PSMA8: variants seen among roughly 807,000 people sequenced by gnomAD.
The protein encoded by PSMA8 is proteasome subunit alpha-type 8.
Under a neutral mutation model 32.4 loss-of-function variants are expected in PSMA8, and 18 were observed. The ratio of observed to expected loss-of-function variants is 0.56; its 90% CI spans 0.38 to 0.82. The LOEUF is 0.82. PSMA8 is among the 40% of genes least tolerant of loss of function. PSMA8 has a pLI of 0.00. For missense variants in PSMA8, 298 were observed against 300.7 expected (o/e 0.99, Z 0.07); for synonymous variants, 104 against 98.1 (o/e 1.06, Z -0.36).
At chr18:26,172,004 G>T (rs2055225938) in intron 4 of PSMA8, among the ~76,000 whole-genome samples, 1 of 152,144 alleles carries the variant, frequency 6.6e-6, no homozygotes, top group South Asian at 2.1e-4. Context: ...AAGTTGGTTT[G>T]CTTCACAGCT....
chr18:26,179,400 G>A (rs2055291703), intron 6 of PSMA8, among the ~76,000 whole-genome samples: 1 of 151,654 alleles, frequency 6.6e-6, no homozygotes, highest in Non-Finnish European at 1.5e-5. Flanking sequence ...TCCAGTGCTG[G>A]GATTACAACT....
At chr18:26,165,227 A>G (rs369495385) in intron 4 of PSMA8, among the ~76,000 whole-genome samples, 53 of 152,334 alleles carry the variant, frequency 3.5e-4, no homozygotes, top group African/African-American at 1.3e-3. Flanking sequence ...CTTTGTTTTA[A>G]AGAGGTAGAT....
In PSMA8 at chr18:26,137,827, G is replaced by A. The variant is rs145018502; in HGVS notation, c.102+3760G>A. 1.4e-3 allele frequency among the ~76,000 whole-genome samples: 207 copies of A among 152,302 alleles called. 1 individual carries two copies. The highest frequency in any genetic ancestry group is 4.9e-3 in the African/African-American group (202 of 41,568). On this transcript the variant is annotated intron_variant, in intron 1 of 6. Transcript: ENST00000415576. ...AAAACCCGAATGAGTATTAGAGTATGAGGCACTATAGGAACCCCAGGTGTT... is the reference window on the plus strand; with the variant it reads ...AAAACCCGAATGAGTATTAGAGTATAAGGCACTATAGGAACCCCAGGTGTT...
intron 1 of PSMA8, among the ~76,000 whole-genome samples, chr18:26,134,343 G>GTGTGTGTGTGTGTGTGTGTCTC (rs2054892294): frequency 7.1e-6 from 1 of 141,676 alleles, no homozygotes; most frequent in Admixed American, 6.9e-5. Context: ...GTGTGTGGGT[G>GTGTGTGTGTGTGTGTGTGTCTC]TGTGTGTGTG....
intron 3 of PSMA8, among the ~76,000 whole-genome samples, chr18:26,155,142 G>A (rs1375457959): frequency 2.0e-5 from 3 of 150,602 alleles, no homozygotes; most frequent in Admixed American, 1.3e-4. Flanking sequence ...GGCTGAGGCA[G>A]GAGAATTGCT....
chr18:26,189,019 A>G (rs1167420220), intron 6 of PSMA8, among the ~76,000 whole-genome samples: 1 of 152,244 alleles, frequency 6.6e-6, no homozygotes, highest in African/African-American at 2.4e-5. Flanking sequence ...ACTTCTGCAC[A>G]GCAAAGGAAA....
intron 3 of PSMA8, among the ~76,000 whole-genome samples, chr18:26,152,602 G>A (rs1409699773): frequency 6.6e-6 from 1 of 152,054 alleles, no homozygotes; most frequent in Non-Finnish European, 1.5e-5. Context: ...TGGGATTATA[G>A]GCATGAGCCA....
At chr18:26,134,174 T>A in intron 1 of PSMA8, 107 bp downstream of exon 1, 1 of 648,438 alleles carries the variant, frequency 1.5e-6, no homozygotes, top group Non-Finnish European at 2.7e-6. Context: ...AGAGAGGAGA[T>A]TCCCACACTT....
intron 1 of PSMA8, among the ~76,000 whole-genome samples, chr18:26,135,850 A>C (rs1226054964): frequency 6.6e-6 from 1 of 152,228 alleles, no homozygotes; most frequent in Non-Finnish European, 1.5e-5. Context: ...TTAAAGATAC[A>C]TTGGAAGAAT....
chr18:26,156,308 G>A (rs991897305), intron 3 of PSMA8, among the ~76,000 whole-genome samples: 1 of 152,138 alleles, frequency 6.6e-6, no homozygotes, highest in African/African-American at 2.4e-5. Context: ...TACTGGTTAT[G>A]CATCATCCAA....
intron 6 of PSMA8, among the ~76,000 whole-genome samples, chr18:26,185,087 CAAAAAAAA>C (rs772421124): frequency 3.6e-5 from 2 of 55,468 alleles, no homozygotes; most frequent in Admixed American, 1.7e-4. Flanking sequence ...AACTCCATCT[CAAAAAAAA>C]AAAAAAAAAA....
chr18:26,177,266 G>A (rs2039212558), intron 4 of PSMA8, among the ~76,000 whole-genome samples: 2 of 152,180 alleles, frequency 1.3e-5, no homozygotes, highest in African/African-American at 4.8e-5. Context: ...ACTGGGGTGG[G>A]AGTTGCTGCT....
At chr18:26,149,214 C>A (rs1378933300) in intron 2 of PSMA8, among the ~76,000 whole-genome samples, 1 of 152,044 alleles carries the variant, frequency 6.6e-6, no homozygotes, top group Admixed American at 6.5e-5. Context: ...ATGTCAATAG[C>A]ATCAAAAAGA....
chr18:26,177,041 T>A (rs576461184), intron 4 of PSMA8, among the ~76,000 whole-genome samples: 22 of 152,312 alleles, frequency 1.4e-4, no homozygotes, highest in South Asian at 1.2e-3. Context: ...TACTCTGTAA[T>A]CATCCTAGGA....
chr18:26,165,734 T>C (rs142089793), intron 4 of PSMA8, among the ~76,000 whole-genome samples: 124 of 152,266 alleles, frequency 8.1e-4, no homozygotes, highest in African/African-American at 2.8e-3. Flanking sequence ...CATATGGTCT[T>C]TAGATGGAAT....
intron 6 of PSMA8, among the ~76,000 whole-genome samples, chr18:26,181,080 A>G (rs2055307279): frequency 6.6e-6 from 1 of 152,134 alleles, no homozygotes; most frequent in African/African-American, 2.4e-5. Context: ...GTTTGTGGCA[A>G]CCCTGTGTTG....
intron 4 of PSMA8, among the ~76,000 whole-genome samples, chr18:26,178,088 C>A (rs891783787): frequency 5.3e-5 from 8 of 151,872 alleles, no homozygotes; most frequent in Non-Finnish European, 8.8e-5. Context: ...TGTGGTGCCA[C>A]GTACCAATAG....
chr18:26,156,667 A>C lies in PSMA8; in HGVS notation c.355-1455A>C, dbSNP rs9950514. Among the ~76,000 whole-genome samples, 801 of 147,992 alleles carry C rather than the reference A, an allele frequency of 5.4e-3. 2 individuals are homozygous for C. Among genetic ancestry groups the C allele is most frequent in the African/African-American group, 0.011 (460 of 40,824 alleles). On this transcript the variant is annotated intron_variant, in intron 3 of 6. Transcript: ENST00000415576. ...TGTGTATATATATTTTATATATATA[A>C]TAATGTGTGTGTATATTTTATATAT...
chr18:26,184,827 A>G (rs1006575590), intron 6 of PSMA8, among the ~76,000 whole-genome samples: 8 of 144,490 alleles, frequency 5.5e-5, no homozygotes, highest in African/African-American at 1.8e-4. Flanking sequence ...TGGCTCATGC[A>G]TGTAATCCCA....
Sources: gnomAD v4.1 joint callset for allele counts (sites outside exome capture counted in the v4.1 genomes callset) on GRCh38, gnomAD v4.1.1 for gene constraint, MANE v1.5 for transcripts, NCBI Gene and HGNC (gene_info 2026-07-23, HGNC 2026-07-21) for gene names.